The following MEIS2 variants were observed in gnomAD, a reference collection of about 807,000 sequenced individuals.
MEIS2 encodes the protein Meis homeobox 2.
MEIS2 carries 9 observed loss-of-function variants against 58.6 expected under a neutral mutation model. The observed-to-expected ratio is 0.15, with a 90% CI of 0.09 to 0.27. The LOEUF (loss-of-function observed/expected upper bound fraction) is 0.27. Ranked by LOEUF, MEIS2 falls within the 10% of genes least tolerant of loss-of-function variation. The probability of loss-of-function intolerance (pLI) is 1.00; values close to 1 mark genes in which losing one functional copy is unlikely to be tolerated. For missense variants in MEIS2, 427 were observed against 635.0 expected, an observed-to-expected ratio of 0.67 and a Z score of 3.52; for synonymous variants, 221 against 228.4, an observed-to-expected ratio of 0.97 and a Z score of 0.29.
intron 9 of MEIS2, among the ~76,000 whole-genome samples, chr15:36,934,641 G>A (rs1417870461): frequency 6.6e-6 from 1 of 152,094 alleles, no homozygotes; most frequent in East Asian, 1.9e-4. Context: ...TATGCTTCAT[G>A]CTTTTTCATC....
intron 9 of MEIS2, among the ~76,000 whole-genome samples, chr15:36,910,458 A>C (rs558057232): frequency 9.2e-5 from 14 of 152,302 alleles, no homozygotes; most frequent in African/African-American, 3.4e-4. Flanking sequence ...TGATGGTACA[A>C]ATTAATTCCT....
At chr15:37,013,035 C>A (rs115056584) in intron 8 of MEIS2, among the ~76,000 whole-genome samples, 87 of 152,174 alleles carry the variant, frequency 5.7e-4, no homozygotes, top group African/African-American at 2.1e-3. Flanking sequence ...GAGGAGGGGA[C>A]CACACAAGAA....
chr15:36,900,644 T>C (rs1049323727), intron 9 of MEIS2, among the ~76,000 whole-genome samples: 1 of 152,222 alleles, frequency 6.6e-6, no homozygotes, highest in Non-Finnish European at 1.5e-5. Flanking sequence ...AATATCACTG[T>C]AATCTCATCT....
chr15:37,100,786 A>G, upstream of MEIS2: 1 of 148,890 alleles, frequency 6.7e-6, no homozygotes, highest in Non-Finnish European at 1.5e-5. Context: ...GGAGAGGGGG[A>G]GAGAGAAGAG....
intron 8 of MEIS2, among the ~76,000 whole-genome samples, chr15:36,970,296 C>G (rs1361725456): frequency 1.3e-5 from 2 of 151,232 alleles, no homozygotes; most frequent in Non-Finnish European, 2.9e-5. Flanking sequence ...CCCAGCTACT[C>G]GGGAGGCTGA....
intron 8 of MEIS2, among the ~76,000 whole-genome samples, chr15:36,962,787 G>A (rs1302618477): frequency 6.6e-6 from 1 of 152,188 alleles, no homozygotes; most frequent in Non-Finnish European, 1.5e-5. Flanking sequence ...AGCTGAGTGG[G>A]TTTCATTCTC....
chr15:36,899,216 T>A (rs931053570), intron 9 of MEIS2, among the ~76,000 whole-genome samples: 10 of 152,188 alleles, frequency 6.6e-5, no homozygotes, highest in African/African-American at 2.4e-4. Flanking sequence ...GGCCCCAAAT[T>A]TTCAGAAATC....
intron 8 of MEIS2, among the ~76,000 whole-genome samples, chr15:37,016,548 A>C (rs2061355702): frequency 6.6e-6 from 1 of 152,158 alleles, no homozygotes; most frequent in Admixed American, 6.5e-5. Flanking sequence ...TCAGTGAAGT[A>C]AGAATAAGAA....
At chr15:37,077,643 T>G (rs1891589190) in intron 7 of MEIS2, among the ~76,000 whole-genome samples, 1 of 152,030 alleles carries the variant, frequency 6.6e-6, no homozygotes, top group African/African-American at 2.4e-5. Flanking sequence ...TTGCACAACC[T>G]GTTCATGATT....
intron 8 of MEIS2, among the ~76,000 whole-genome samples, chr15:36,970,398 C>T (rs1007177876): frequency 8.3e-5 from 11 of 132,154 alleles, no homozygotes; most frequent in African/African-American, 1.7e-4. Flanking sequence ...AGCAAGACTC[C>T]GTCTCAAAAA....
At chr15:36,894,841 G>T (rs759048821) in intron 11 of MEIS2, 2 of 1,542,184 alleles carry the variant, frequency 1.3e-6, no homozygotes, top group Non-Finnish European at 1.8e-6. Flanking sequence ...CCAAGAAGAG[G>T]CCGGAAAATC....
intron 7 of MEIS2, among the ~76,000 whole-genome samples, chr15:37,080,004 A>G (rs1221306669): frequency 2.0e-5 from 3 of 152,170 alleles, no homozygotes. Flanking sequence ...CAATTGCTGC[A>G]AAATGTACAA....
intron 8 of MEIS2, among the ~76,000 whole-genome samples, chr15:37,001,130 T>C (rs1198700635): frequency 2.0e-5 from 3 of 152,248 alleles, no homozygotes; most frequent in African/African-American, 4.8e-5. Context: ...ATCACAGGGC[T>C]ATACTGGGGG....
At chr15:36,954,129 T>C (rs1028937100) in intron 8 of MEIS2, among the ~76,000 whole-genome samples, 10 of 152,094 alleles carry the variant, frequency 6.6e-5, no homozygotes, top group Non-Finnish European at 1.0e-4. Flanking sequence ...GGCTAAAAAT[T>C]TGGAATTAAC....
chr15:36,913,343 G>A (rs1028273068), intron 9 of MEIS2, among the ~76,000 whole-genome samples: 1 of 152,166 alleles, frequency 6.6e-6, no homozygotes, highest in Non-Finnish European at 1.5e-5. Context: ...GCATAACATT[G>A]ATACTTAGTT....
At chr15:37,088,857 A>T (rs1212659327) in intron 6 of MEIS2, among the ~76,000 whole-genome samples, 1 of 152,160 alleles carries the variant, frequency 6.6e-6, no homozygotes, top group East Asian at 1.9e-4. Flanking sequence ...TTGTGTTGGG[A>T]TATTCCATAG....
intron 8 of MEIS2, among the ~76,000 whole-genome samples, chr15:36,965,991 G>C (rs557974058): frequency 6.6e-6 from 1 of 152,220 alleles, no homozygotes; most frequent in Non-Finnish European, 1.5e-5. Flanking sequence ...AATAATATAT[G>C]CTCAAATCTC....
chr15:36,905,957 A>C (rs2056712591), intron 9 of MEIS2, among the ~76,000 whole-genome samples: 1 of 152,242 alleles, frequency 6.6e-6, no homozygotes, highest in Non-Finnish European at 1.5e-5. Context: ...GAAGTCAATT[A>C]AAGAAGTTAA....
rs1460140115 is a variant in MEIS2, at chr15:36,906,917, G to A, written c.978-10231C>T. 2.6e-5 allele frequency among the ~76,000 whole-genome samples: 4 copies of A among 152,130 alleles called. No individual in the cohort carries two copies. The South Asian group carries it at 8.3e-4, about 31-fold the overall frequency. On this transcript the variant is annotated intron_variant, in intron 9 of 11. Transcript: ENST00000561208. ...TAAAAACCTCTGTGGTCAAGGCCTTGTTTCTAATAGGACCAATTCGCTTTT... is the reference window on the plus strand; with the variant it reads ...TAAAAACCTCTGTGGTCAAGGCCTTATTTCTAATAGGACCAATTCGCTTTT...
Sources: allele counts gnomAD v4.1 joint callset (sites outside exome capture counted in the v4.1 genomes callset), GRCh38; gene constraint gnomAD v4.1.1; transcripts MANE v1.5; gene names NCBI Gene and HGNC (gene_info 2026-07-23, HGNC 2026-07-21).